The following PRKG1 variants were observed in gnomAD, a reference collection of about 807,000 sequenced individuals.
PRKG1 encodes the protein protein kinase cGMP-dependent 1.
Under a neutral mutation model 88.1 loss-of-function variants are expected in PRKG1, and 35 were observed. The observed-to-expected ratio is 0.40, with a 90% CI of 0.30 to 0.53. PRKG1 has a LOEUF of 0.53. Ranked by LOEUF, PRKG1 falls within the 20% of genes least tolerant of loss-of-function variation. The pLI is 0.59. For missense variants in PRKG1, 540 were observed against 839.8 expected, an observed-to-expected ratio of 0.64 and a Z score of 4.41; for synonymous variants, 303 against 292.5, an observed-to-expected ratio of 1.04 and a Z score of -0.37.
chr10:51,979,149 A>G (rs915111923), intron 5 of PRKG1, among the ~76,000 whole-genome samples: 1 of 151,986 alleles, frequency 6.6e-6, no homozygotes, highest in Non-Finnish European at 1.5e-5. Flanking sequence ...TGCCTAGTTT[A>G]TTGAGAGTTT....
chr10:51,569,303 C>CT (rs1220448513), intron 3 of PRKG1, among the ~76,000 whole-genome samples: 1 of 151,972 alleles, frequency 6.6e-6, no homozygotes, highest in Admixed American at 6.6e-5. Flanking sequence ...GGTTGCCTGA[C>CT]TAGGACAGCT....
intron 2 of PRKG1, among the ~76,000 whole-genome samples, chr10:51,463,010 A>AT (rs1021932290): frequency 6.6e-6 from 1 of 152,206 alleles, no homozygotes; most frequent in Non-Finnish European, 1.5e-5. Context: ...AACAGACCTA[A>AT]TAGCCTCTAG....
chr10:51,305,843 A>G (rs1011424415), intron 2 of PRKG1, among the ~76,000 whole-genome samples: 5 of 152,198 alleles, frequency 3.3e-5, no homozygotes, highest in Non-Finnish European at 7.3e-5. Context: ...GTGAATTAAT[A>G]TCACGTTCCT....
In PRKG1 at chr10:51,450,564, T is replaced by C. The variant is rs118191161; in HGVS notation, c.479-17159T>C. Among the ~76,000 whole-genome samples, 608 of 152,166 alleles carry C rather than the reference T, an allele frequency of 4.0e-3. 13 individuals are homozygous for C. The highest frequency in any genetic ancestry group is 0.036 in the East Asian group (186 of 5,166). On this transcript the variant is annotated intron_variant, in intron 2 of 17. Transcript: ENST00000373980. Reference sequence around the variant, plus strand: ...TACATGCTTTTAAAGAATTCGACTTTGTCTTCTCTCTCTTAGGCAAATTCT... The same window carrying C: ...TACATGCTTTTAAAGAATTCGACTTCGTCTTCTCTCTCTTAGGCAAATTCT...
intron 3 of PRKG1, among the ~76,000 whole-genome samples, chr10:51,640,438 G>C (rs950518344): frequency 2.0e-5 from 3 of 152,064 alleles, no homozygotes; most frequent in Non-Finnish European, 4.4e-5. Context: ...TTCTGACATG[G>C]TGGAGCTTGT....
At chr10:52,019,712 C>T (rs1451195873) in intron 5 of PRKG1, among the ~76,000 whole-genome samples, 2 of 152,144 alleles carry the variant, frequency 1.3e-5, no homozygotes, top group African/African-American at 2.4e-5. Flanking sequence ...GCTGTTTTAG[C>T]TTATACTCTT....
At chr10:51,261,561 G>T (rs979796311) in intron 2 of PRKG1, among the ~76,000 whole-genome samples, 10 of 152,168 alleles carry the variant, frequency 6.6e-5, no homozygotes, top group African/African-American at 1.9e-4. Context: ...TTTCAGTCTT[G>T]TCTAGGTTTA....
At chr10:52,258,880 A>G (rs1412817707) in intron 10 of PRKG1, among the ~76,000 whole-genome samples, 2 of 152,064 alleles carry the variant, frequency 1.3e-5, no homozygotes, top group Admixed American at 1.3e-4. Flanking sequence ...GGGAAGATAT[A>G]CAGAACTGAA....
intron 3 of PRKG1, among the ~76,000 whole-genome samples, chr10:51,546,620 T>C (rs1428172816): frequency 6.6e-6 from 1 of 152,118 alleles, no homozygotes; most frequent in African/African-American, 2.4e-5. Context: ...CACCTTCTAC[T>C]TAAAAACTTT....
At chr10:51,366,783 A>AT (rs1419051719) in intron 2 of PRKG1, among the ~76,000 whole-genome samples, 5 of 151,822 alleles carry the variant, frequency 3.3e-5, no homozygotes, top group African/African-American at 9.7e-5. Flanking sequence ...AAATTTCTTC[A>AT]TTTTTTTCAT....
At chr10:51,066,083 G>A (rs1564586593) in intron 1 of PRKG1, among the ~76,000 whole-genome samples, 4 of 152,004 alleles carry the variant, frequency 2.6e-5, no homozygotes, top group South Asian at 2.1e-4. Context: ...AGGTCTTCAC[G>A]GGCAAAAAGA....
chr10:51,907,664 A>G, intron 5 of PRKG1, 94 bp downstream of exon 5: 2 of 1,136,998 alleles, frequency 1.8e-6, no homozygotes, highest in Non-Finnish European at 2.6e-6. Context: ...CACAAACTGC[A>G]GAGATCTTTA....
intron 10 of PRKG1, among the ~76,000 whole-genome samples, chr10:52,270,168 C>T (rs1246272158): frequency 6.6e-6 from 1 of 152,064 alleles, no homozygotes; most frequent in Non-Finnish European, 1.5e-5. Context: ...AGTCTGCAGT[C>T]TCAGCAGAGA....
At chr10:51,225,042 A>G (rs1354205973) in intron 2 of PRKG1, among the ~76,000 whole-genome samples, 1 of 152,246 alleles carries the variant, frequency 6.6e-6, no homozygotes, top group African/African-American at 2.4e-5. Context: ...GAAAGGAAAT[A>G]TACACTGTTT....
At chr10:51,464,612 C>T (rs1021661269) in intron 2 of PRKG1, among the ~76,000 whole-genome samples, 1 of 151,854 alleles carries the variant, frequency 6.6e-6, no homozygotes, top group African/African-American at 2.4e-5. Flanking sequence ...TAAGATCAGG[C>T]CGGGTGCGGT....
chr10:51,979,165 G>A (rs1051878591), intron 5 of PRKG1, among the ~76,000 whole-genome samples: 3 of 151,842 alleles, frequency 2.0e-5, no homozygotes, highest in Non-Finnish European at 2.9e-5. Flanking sequence ...AGTTTTGAAC[G>A]TGAAGAGATA....
chr10:52,025,143 C>T (rs1389896052), intron 5 of PRKG1, among the ~76,000 whole-genome samples: 3 of 152,064 alleles, frequency 2.0e-5, no homozygotes, highest in South Asian at 2.1e-4. Context: ...GAGAAGTGTC[C>T]ATTCATATCG....
chr10:51,676,289 G>A (rs1056929306), intron 3 of PRKG1, among the ~76,000 whole-genome samples: 2 of 152,028 alleles, frequency 1.3e-5, no homozygotes, highest in Admixed American at 6.6e-5. Context: ...CATGTGGCTA[G>A]TGATCATCAT....
intron 2 of PRKG1, among the ~76,000 whole-genome samples, chr10:51,348,888 T>C (rs1028131704): frequency 2.6e-5 from 4 of 152,212 alleles, no homozygotes; most frequent in Non-Finnish European, 4.4e-5. Flanking sequence ...TCATTTTTTT[T>C]CCCTATGTGA....
Sources: allele counts gnomAD v4.1 joint callset (sites outside exome capture counted in the v4.1 genomes callset), GRCh38; gene constraint gnomAD v4.1.1; transcripts MANE v1.5; gene names NCBI Gene and HGNC (gene_info 2026-07-23, HGNC 2026-07-21).